MEMO1: variants seen among roughly 807,000 people sequenced by gnomAD.
MEMO1 encodes the protein protein MEMO1.
MEMO1 carries 6 observed loss-of-function variants against 45.2 expected under a neutral mutation model. The ratio of observed to expected loss-of-function variants is 0.13; its 90% CI spans 0.07 to 0.26. MEMO1 has a LOEUF of 0.26. MEMO1 is among the 10% of genes least tolerant of loss of function. The pLI, the probability that MEMO1 is intolerant of heterozygous loss-of-function variation, is 1.00. For missense variants in MEMO1, 184 were observed against 370.5 expected, an observed-to-expected ratio of 0.50 and a Z score of 4.13; for synonymous variants, 78 against 124.3, an observed-to-expected ratio of 0.63 and a Z score of 2.48.
intron 6 of MEMO1, among the ~76,000 whole-genome samples, chr2:31,911,628 G>A (rs1024488407): frequency 2.6e-5 from 4 of 152,188 alleles, no homozygotes; most frequent in Admixed American, 1.3e-4. Context: ...GGTAGGAGTA[G>A]TATTTAATGC....
intron 2 of MEMO1, among the ~76,000 whole-genome samples, chr2:31,987,408 C>T (rs1372519548): frequency 1.3e-5 from 2 of 152,084 alleles, no homozygotes; most frequent in Admixed American, 6.6e-5. Flanking sequence ...AAGAAGCTTA[C>T]GTACAATTAA....
chr2:32,008,695 G>A (rs912669600), intron 2 of MEMO1, among the ~76,000 whole-genome samples: 1 of 152,148 alleles, frequency 6.6e-6, no homozygotes, highest in African/African-American at 2.4e-5. Flanking sequence ...AAGTACTTTA[G>A]GACCATGAAT....
chr2:31,922,294 T>C (rs1212242291), intron 4 of MEMO1, among the ~76,000 whole-genome samples: 2 of 149,134 alleles, frequency 1.3e-5, no homozygotes, highest in African/African-American at 5.0e-5. Context: ...TGTTACTTCA[T>C]AAATTGCAGG....
intron 8 of MEMO1, among the ~76,000 whole-genome samples, chr2:31,881,604 T>A (rs1191040904): frequency 2.1e-5 from 3 of 143,320 alleles, no homozygotes; most frequent in Non-Finnish European, 3.1e-5. Context: ...AAAGGACAAA[T>A]GAAGAGAAAA....
intron 2 of MEMO1, among the ~76,000 whole-genome samples, chr2:31,951,390 G>C (rs1291364890): frequency 6.6e-6 from 1 of 152,036 alleles, no homozygotes; most frequent in East Asian, 1.9e-4. Context: ...ATGATGTTCT[G>C]ATATTCTTAA....
At chr2:32,005,334 A>G (rs967936865) in intron 2 of MEMO1, among the ~76,000 whole-genome samples, 10 of 151,684 alleles carry the variant, frequency 6.6e-5, no homozygotes, top group Admixed American at 1.3e-4. Flanking sequence ...AAAAAAAAAA[A>G]AAGAAGCTCA....
intron 3 of MEMO1, among the ~76,000 whole-genome samples, chr2:31,939,454 T>C (rs75500346): frequency 0.011 from 1,650 of 152,284 alleles, 101 homozygotes; most frequent in Admixed American, 0.095. Context: ...CTCCCAATTA[T>C]TCCAATTTAA....
intron 2 of MEMO1, among the ~76,000 whole-genome samples, chr2:31,996,237 A>T (rs553878663): frequency 6.6e-6 from 1 of 151,828 alleles, no homozygotes; most frequent in Admixed American, 6.6e-5. Flanking sequence ...AGAGAGAGAA[A>T]GAAACAATGA....
At chr2:31,883,488 TA>T in intron 7 of MEMO1, 26 bp from the exon 8 acceptor site, 1 of 1,493,386 alleles carries the variant, frequency 6.7e-7, no homozygotes, top group Admixed American at 2.3e-5. Flanking sequence ...ATGTACAAAA[TA>T]AAATAGGGAA....
chr2:31,919,310 C>T (rs1031116117), intron 5 of MEMO1, among the ~76,000 whole-genome samples: 10 of 151,842 alleles, frequency 6.6e-5, no homozygotes, highest in Admixed American at 6.6e-5. Flanking sequence ...TGCTACCATG[C>T]CCAGCAGATT....
intron 5 of MEMO1, among the ~76,000 whole-genome samples, chr2:31,918,398 A>G (rs1681781553): frequency 6.6e-6 from 1 of 152,154 alleles, no homozygotes; most frequent in African/African-American, 2.4e-5. Context: ...CTTTTCCTTG[A>G]CTTTAATCAG....
At chr2:31,931,608 C>A (rs1328621127) in intron 4 of MEMO1, among the ~76,000 whole-genome samples, 1 of 151,676 alleles carries the variant, frequency 6.6e-6, no homozygotes, top group Non-Finnish European at 1.5e-5. Flanking sequence ...AGTTAATATG[C>A]CTCAAACACC....
At chr2:32,010,718 C>T (rs1291225551) in intron 1 of MEMO1, among the ~76,000 whole-genome samples, 1 of 150,286 alleles carries the variant, frequency 6.7e-6, no homozygotes, top group Non-Finnish European at 1.5e-5. Context: ...ACCCCCACCC[C>T]CGGCAGGGCC....
chr2:31,912,281 G>C (rs1212615600), intron 6 of MEMO1, among the ~76,000 whole-genome samples: 1 of 151,910 alleles, frequency 6.6e-6, no homozygotes, highest in Non-Finnish European at 1.5e-5. Context: ...GGTTGCAGCA[G>C]GCCAAGGTTG....
intron 3 of MEMO1, among the ~76,000 whole-genome samples, chr2:31,932,801 C>T (rs1000422787): frequency 7.9e-5 from 12 of 152,058 alleles, no homozygotes; most frequent in African/African-American, 2.9e-4. Flanking sequence ...AATGATAAAC[C>T]AACAGGAAGT....
At chr2:31,938,530 C>T (rs1174088547) in intron 3 of MEMO1, among the ~76,000 whole-genome samples, 2 of 151,830 alleles carry the variant, frequency 1.3e-5, no homozygotes, top group Admixed American at 1.3e-4. Context: ...CGACTGTAGT[C>T]CCAGCTACTC....
At position 31,988,357 on chromosome 2, in the gene MEMO1, G is replaced by A. The variant is rs1335105186; in HGVS notation, c.61+21830C>T. Among the ~76,000 whole-genome samples the A allele has an allele frequency of 3.3e-5, 5 of 151,708 alleles. No homozygotes were observed. The East Asian group carries it at 5.8e-4, about 18-fold the overall frequency. On this transcript the variant is annotated intron_variant, in intron 2 of 9. Transcript: ENST00000404530. The stretch of plus-strand genomic sequence containing the variant: ...AGGTCAGGAGTTTGAGACCACCCTC[G>A]CCAACATGGTAAAACCCCGTCTCTA...
chr2:32,008,531 T>A (rs1414640346), intron 2 of MEMO1, among the ~76,000 whole-genome samples: 1 of 151,498 alleles, frequency 6.6e-6, no homozygotes, highest in African/African-American at 2.4e-5. Flanking sequence ...TTGCAATGAG[T>A]CAAGATCGAG....
intron 8 of MEMO1, among the ~76,000 whole-genome samples, chr2:31,871,465 A>G (rs1009091636): frequency 1.3e-5 from 2 of 151,078 alleles, no homozygotes; most frequent in Admixed American, 1.3e-4. Context: ...AGAATATTCG[A>G]CTCCTTCACA....
Sources: gnomAD v4.1 joint callset for allele counts (sites outside exome capture counted in the v4.1 genomes callset) on GRCh38, gnomAD v4.1.1 for gene constraint, MANE v1.5 for transcripts, NCBI Gene and HGNC (gene_info 2026-07-23, HGNC 2026-07-21) for gene names.